Variants in ARL6IP6 observed in about 807,000 individuals in gnomAD.
ARL6IP6 encodes the protein ADP-ribosylation factor-like protein 6-interacting protein 6.
A neutral mutation model predicts 21.5 loss-of-function variants in ARL6IP6; 22 were observed. That is an observed-to-expected ratio of 1.02 (90% CI 0.73 to 1.46). The LOEUF (loss-of-function observed/expected upper bound fraction) is 1.46, where lower values mean the gene tolerates loss of function less well. Among genes scored for constraint, ARL6IP6 ranks in the 40% most tolerant of loss-of-function variants. The pLI, the probability that ARL6IP6 is intolerant of heterozygous loss-of-function variation, is 0.00. For missense variants in ARL6IP6, 388 were observed against 299.8 expected (o/e 1.29, Z -2.17); for synonymous variants, 164 against 125.3 (o/e 1.31, Z -2.06).
intron 3 of ARL6IP6, among the ~76,000 whole-genome samples, chr2:152,751,707 A>AT (rs555044148): frequency 6.2e-4 from 93 of 149,320 alleles, no homozygotes; most frequent in South Asian, 4.4e-3. Flanking sequence ...ACAGTATTTC[A>AT]TTTTTTTTTA....
chr2:152,718,581 G>GT (rs1559215025), upstream of ARL6IP6: 1 of 1,498,864 alleles, frequency 6.7e-7, no homozygotes, highest in East Asian at 2.4e-5. Context: ...GGCGGGGCAG[G>GT]TGGGAGAGGC....
At chr2:152,742,527 G>T in intron 3 of ARL6IP6, among the ~76,000 whole-genome samples, 1 of 145,956 alleles carries the variant, frequency 6.9e-6, no homozygotes, top group African/African-American at 2.6e-5. Flanking sequence ...ATTATATCGT[G>T]CCACTGCATT....
rs1701883001 is a variant in ARL6IP6 at position 152,762,389 on chromosome 2, G to C, written c.*2549G>C. On this transcript the variant is annotated 3_prime_UTR_variant, in exon 4 of 4. Transcript: ENST00000326446. Reference sequence around the variant, plus strand: ...AATAAATTTCTGTCTTTTGGCCTTTGCAGTTTACATTGGCTTTTGTCATTT... The same window carrying C: ...AATAAATTTCTGTCTTTTGGCCTTTCCAGTTTACATTGGCTTTTGTCATTT... Among the ~76,000 whole-genome samples the C allele has an allele frequency of 6.6e-6, 1 of 152,154 alleles. No individual in the cohort carries two copies. Among genetic ancestry groups the C allele is most frequent in the East Asian group, 1.9e-4 (1 of 5,190 alleles).
upstream of ARL6IP6, chr2:152,717,652 A>T: frequency 7.1e-7 from 1 of 1,414,850 alleles, no homozygotes; most frequent in East Asian, 2.6e-5. Flanking sequence ...GAGGAGGAGG[A>T]CGGAGGAAGT....
upstream of ARL6IP6, chr2:152,717,876 T>C (rs535138470): frequency 3.5e-4 from 368 of 1,052,754 alleles, no homozygotes; most frequent in African/African-American, 5.9e-3. Flanking sequence ...GTAAGCAGCC[T>C]GTAGTGTTAG....
At position 152,718,795 on chromosome 2, in the gene ARL6IP6, G is replaced by A. The variant is rs1227953007; in HGVS notation, c.171G>A (p.Ala57=). Residue 57 remains alanine (A), a synonymous_variant, in exon 1 of 4, where the codon GCG becomes GCA. Transcript: ENST00000326446. ...GCDQVARDLR[A]EFSAGAWSEP... The stretch of plus-strand genomic sequence containing the variant: ...ACCAAGTGGCCCGCGACCTGCGGGC[G>A]GAGTTCTCGGCTGGGGCGTGGTCAG... The A allele has an allele frequency of 2.5e-6, 4 of 1,606,596 alleles. No individual in the cohort carries two copies. Among genetic ancestry groups the A allele is most frequent in the Non-Finnish European group, 8.5e-7 (1 of 1,176,512 alleles).
intron 3 of ARL6IP6, among the ~76,000 whole-genome samples, chr2:152,755,018 G>A (rs1038351556): frequency 6.6e-6 from 1 of 151,990 alleles, no homozygotes; most frequent in Non-Finnish European, 1.5e-5. Context: ...TCATTAGTTT[G>A]TAGCAATTAC....
At chr2:152,732,608 A>G (rs1173438893) in intron 2 of ARL6IP6, 2 of 431,674 alleles carry the variant, frequency 4.6e-6, no homozygotes, top group East Asian at 7.4e-5. Flanking sequence ...ATTTTTTGTC[A>G]TTCAATTTGA....
upstream of ARL6IP6, chr2:152,717,833 G>A (rs1331527152): frequency 2.7e-6 from 3 of 1,113,204 alleles, no homozygotes; most frequent in African/African-American, 3.3e-5. Flanking sequence ...CCACAAACCT[G>A]AGGCCGCCAG....
intron 3 of ARL6IP6, among the ~76,000 whole-genome samples, chr2:152,750,892 C>G (rs1574064591): frequency 6.6e-6 from 1 of 152,172 alleles, no homozygotes; most frequent in South Asian, 2.1e-4. Flanking sequence ...TTGTTTTAAC[C>G]TGTCACATTC....
intron 2 of ARL6IP6, among the ~76,000 whole-genome samples, chr2:152,731,976 A>G (rs1486161215): frequency 1.3e-5 from 2 of 152,030 alleles, no homozygotes; most frequent in Admixed American, 1.3e-4. Context: ...TTCCTCATTC[A>G]TTTTTATAGC....
At position 152,719,550 on chromosome 2, in the gene ARL6IP6, A is replaced by T. The variant is rs1256910857; in HGVS notation, c.400+526A>T. The stretch of plus-strand genomic sequence containing the variant: ...GTTTGTATCCAGGTGTAGTGCACGG[A>T]GTTCTGTTGCAGAAAGTATAGTCCA... On this transcript the variant is annotated intron_variant, in intron 1 of 3. Coordinates refer to ENST00000326446, the MANE Select transcript of ARL6IP6 (RefSeq NM_152522.7). Among the ~76,000 whole-genome samples the T allele has an allele frequency of 3.3e-5, 5 of 152,254 alleles. No individual in the cohort carries two copies. In the South Asian group the frequency reaches 1.0e-3, roughly 32 times the overall value.
chr2:152,734,927 G>T, intron 2 of ARL6IP6, 67 bp from the exon 3 acceptor site: 1 of 1,467,732 alleles, frequency 6.8e-7, no homozygotes. Flanking sequence ...GAACATGAGA[G>T]TACTGGTTTA....
intron 3 of ARL6IP6, among the ~76,000 whole-genome samples, chr2:152,741,639 A>G (rs1268544676): frequency 6.6e-6 from 1 of 152,146 alleles, no homozygotes; most frequent in Non-Finnish European, 1.5e-5. Flanking sequence ...CAAATTTTTT[A>G]TGTTTACTGT....
At chr2:152,717,666 T>C (rs912675810), upstream of ARL6IP6, 83 of 1,401,756 alleles carry the variant, frequency 5.9e-5, no homozygotes, top group African/African-American at 2.7e-4. Context: ...AGGAAGTTTC[T>C]GCGCCGAGTC....
chr2:152,755,141 A>T (rs1701519436), intron 3 of ARL6IP6, among the ~76,000 whole-genome samples: 1 of 152,210 alleles, frequency 6.6e-6, no homozygotes, highest in Non-Finnish European at 1.5e-5. Flanking sequence ...AGAAGACAGA[A>T]TGGGAGTCTT....
chr2:152,734,799 CT>C (rs1188078695), intron 2 of ARL6IP6, among the ~76,000 whole-genome samples, 194 bp from the exon 3 acceptor site: 1 of 152,110 alleles, frequency 6.6e-6, no homozygotes, highest in Non-Finnish European at 1.5e-5. Context: ...AATGATATGA[CT>C]TCTAGTTGTG....
At chr2:152,746,001 C>CTTTTTTTTTTTTTTTTTTTTTTTTTTTTT (rs67760283) in intron 3 of ARL6IP6, among the ~76,000 whole-genome samples, 1 of 66,380 alleles carries the variant, frequency 1.5e-5, no homozygotes, top group Non-Finnish European at 2.4e-5. Flanking sequence ...TGCTTTGTAC[C>CTTTTTTTTTTTTTTTTTTTTTTTTTTTTT]TTTTTTTTTT....
rs1175112522 is a variant in ARL6IP6, at chr2:152,761,809, G to T, written c.*1969G>T. ...AGTAGGCTATACCATCTAGGTTTGT[G>T]TAAGTATACTCTGATGTTCACACAA... is the stretch of plus-strand genomic sequence containing the variant. On this transcript the variant is annotated 3_prime_UTR_variant, in exon 4 of 4. Transcript: ENST00000326446. Among the ~76,000 whole-genome samples the T allele has an allele frequency of 2.0e-5, 3 of 152,114 alleles. No individual in the cohort carries two copies. Among genetic ancestry groups the T allele is most frequent in the African/African-American group, 7.2e-5 (3 of 41,410 alleles).
Sources: gnomAD v4.1 joint callset for allele counts (sites outside exome capture counted in the v4.1 genomes callset) on GRCh38, gnomAD v4.1.1 for gene constraint, MANE v1.5 for transcripts, NCBI Gene and HGNC (gene_info 2026-07-23, HGNC 2026-07-21) for gene names.